PAX2: variants seen among roughly 807,000 people sequenced by gnomAD.
PAX2 encodes paired box 2.
A neutral mutation model predicts 41.7 loss-of-function variants in PAX2; 9 were observed. The observed-to-expected ratio is 0.22, with a 90% confidence interval of 0.13 to 0.38. The LOEUF is 0.38. PAX2 is among the 10% of genes least tolerant of loss of function. The pLI is 1.00. For missense variants in PAX2, 418 were observed against 531.6 expected (o/e 0.79, Z 2.10); for synonymous variants, 221 against 212.7 (o/e 1.04, Z -0.34).
chr10:100,758,613 CA>C (rs1276015680), intron 3 of PAX2, among the ~76,000 whole-genome samples: 1 of 152,182 alleles, frequency 6.6e-6, no homozygotes, highest in Admixed American at 6.5e-5. Context: ...GAAGAGGCTC[CA>C]GAATATGAGA....
intron 5 of PAX2, among the ~76,000 whole-genome samples, chr10:100,804,668 C>T (rs1564735917): frequency 6.6e-6 from 1 of 152,116 alleles, no homozygotes; most frequent in Non-Finnish European, 1.5e-5. Flanking sequence ...TTTCAGGAAG[C>T]TTCTCATTCT....
chr10:100,818,484 G>T (rs1848263177), intron 7 of PAX2, among the ~76,000 whole-genome samples: 1 of 152,102 alleles, frequency 6.6e-6, no homozygotes, highest in African/African-American at 2.4e-5. Flanking sequence ...AAAGAACGGG[G>T]CTCTTTCACT....
chr10:100,743,180 C>T (rs1236971249), upstream of PAX2, among the ~76,000 whole-genome samples: 1 of 152,046 alleles, frequency 6.6e-6, no homozygotes, highest in Admixed American at 6.5e-5. Flanking sequence ...GCAGGGGGGA[C>T]TCTCAGGGGC....
rs1848579074 is a variant in PAX2, at chr10:100,826,714, C to A, written c.1022-295C>A. On this transcript the variant is annotated intron_variant, in intron 8 of 9. Transcript: ENST00000355243. This position sits in a 1 kb window ranked among gnomAD's most constrained non-coding sequence, Gnocchi z 5.5. ...AGGGTGGACGCGCCCCAATACAAAC[C>A]CTTCGTGGGTGGCCGCGAGCGCCTC... Among the ~76,000 whole-genome samples the A allele has an allele frequency of 6.6e-6, 1 of 152,214 alleles. No homozygotes were observed. The highest frequency in any genetic ancestry group is 2.4e-5 in the African/African-American group (1 of 41,464).
chr10:100,740,762 G>T (rs1287596012), upstream of PAX2, among the ~76,000 whole-genome samples: 1 of 95,152 alleles, frequency 1.1e-5, no homozygotes, highest in Non-Finnish European at 2.2e-5. Context: ...AGGCTGTGGG[G>T]TGAGTGGCCC....
intron 3 of PAX2, among the ~76,000 whole-genome samples, chr10:100,759,747 G>A (rs777134059): frequency 5.9e-5 from 9 of 152,234 alleles, no homozygotes; most frequent in Non-Finnish European, 1.2e-4. Context: ...AAATCAGAGA[G>A]GAAGGATTGG....
In PAX2 at chr10:100,746,188, T is replaced by C; in HGVS notation, c.-73T>C. On this transcript the variant is annotated 5_prime_UTR_variant, in exon 1 of 10. Coordinates refer to ENST00000355243, the MANE Select transcript of PAX2 (RefSeq NM_000278.5). ...CCCCCACCGTCCCTCCCTTTTCTCC[T>C]CAAGTCCTGAAGTTGAGTTTGAGAG... 2 of 1,547,576 alleles carry C rather than the reference T, an allele frequency of 1.3e-6. No individual in the cohort carries two copies. Among genetic ancestry groups the C allele is most frequent in the Non-Finnish European group, 1.8e-6 (2 of 1,140,226 alleles).
intron 5 of PAX2, among the ~76,000 whole-genome samples, chr10:100,795,041 C>A (rs1198645720): frequency 6.6e-6 from 1 of 152,158 alleles, no homozygotes; most frequent in Non-Finnish European, 1.5e-5. Context: ...CATGGCCCAC[C>A]AATGGGGACC....
chr10:100,748,690 G>T lies in PAX2; in HGVS notation c.44-1056G>T, dbSNP rs1589810049. The T allele has an allele frequency of 4.1e-6, 4 of 985,460 alleles. No homozygotes were observed. Among genetic ancestry groups the T allele is most frequent in the African/African-American group, 3.5e-5 (2 of 57,368 alleles). 61.0% of individuals were successfully genotyped at this position (985,460 alleles called of 1,614,324 possible). A position where few individuals can be genotyped will look rare whatever the true frequency, so the allele number is the denominator to read the frequency against. ...AGGCCTGGCACCCAGTGGCCGCCTCGGTTCCGAGATCGGGAGCCCGCGCTG... is the reference window on the plus strand; with the variant it reads ...AGGCCTGGCACCCAGTGGCCGCCTCTGTTCCGAGATCGGGAGCCCGCGCTG... On this transcript the variant is annotated intron_variant, in intron 1 of 9. Coordinates refer to ENST00000355243, the MANE Select transcript of PAX2 (RefSeq NM_000278.5). This position sits in a 1 kb window ranked among gnomAD's most constrained non-coding sequence, Gnocchi z 5.0.
At chr10:100,786,237 G>A (rs1038773403) in intron 5 of PAX2, among the ~76,000 whole-genome samples, 4 of 152,182 alleles carry the variant, frequency 2.6e-5, no homozygotes, top group South Asian at 2.1e-4. Context: ...CCTCACACCC[G>A]GGATTGGGAG....
intron 7 of PAX2, among the ~76,000 whole-genome samples, chr10:100,821,716 A>C (rs1185194181): frequency 6.6e-6 from 1 of 152,196 alleles, no homozygotes; most frequent in Non-Finnish European, 1.5e-5. Context: ...TTCCGTGACA[A>C]AACCTTAGAT....
chr10:100,810,295 G>C (rs1393402998), intron 7 of PAX2, among the ~76,000 whole-genome samples: 1 of 152,206 alleles, frequency 6.6e-6, no homozygotes, highest in Non-Finnish European at 1.5e-5. Context: ...ATTTGAGCCT[G>C]AGCTGGGCTC....
chr10:100,806,299 T>G, intron 5 of PAX2, 131 bp from the exon 6 acceptor site: 2 of 917,076 alleles, frequency 2.2e-6, no homozygotes, highest in Non-Finnish European at 3.5e-6. Context: ...GCCCAGGGGC[T>G]GAGAGTAAGG....
Position 100,750,778 on chromosome 10 carries a change from T to G in PAX2, c.297T>G (p.Ile99Met). ...CGACGCCCAAAGTGGTGGACAAGAT[T>G]GCTGAATACAAACGACAGAACCCGA... ...KVATPKVVDK[I>M]AEYKRQNPTM... Residue 99 changes from isoleucine to methionine, a missense_variant, in exon 3 of 10, where the codon ATT becomes ATG. Transcript: ENST00000355243. This position sits in a 1 kb window ranked among gnomAD's most constrained non-coding sequence, Gnocchi z 4.1. 1.2e-6 allele frequency: 2 copies of G among 1,614,170 alleles called. No homozygotes were observed. The highest frequency in any genetic ancestry group is 1.7e-6 in the Non-Finnish European group (2 of 1,179,992).
At chr10:100,800,702 C>A (rs1847531437) in intron 5 of PAX2, among the ~76,000 whole-genome samples, 1 of 152,198 alleles carries the variant, frequency 6.6e-6, no homozygotes, top group Non-Finnish European at 1.5e-5. Context: ...CTGCTGAGAA[C>A]CCACTGGACA....
rs1003166519 is a variant in PAX2, at chr10:100,748,213, C to G, written c.44-1533C>G. ...CTGAATTATTCATCTTTAATCTGCC[C>G]GCAGCTGCCGCCTTTTCATACCGGT... On this transcript the variant is annotated intron_variant, in intron 1 of 9. Coordinates refer to ENST00000355243, the MANE Select transcript of PAX2 (RefSeq NM_000278.5). The surrounding 1 kb of genome is among the most constrained non-coding windows in gnomAD (Gnocchi z 5.0). The G allele has an allele frequency of 3.0e-6, 3 of 984,992 alleles. No homozygotes were observed. The highest frequency in any genetic ancestry group is 1.7e-5 in the African/African-American group (1 of 57,178). The allele number at this position is 984,992 out of a possible 1,614,324, so 61.0% of individuals were successfully genotyped here.
chr10:100,809,175 A>G lies in PAX2; in HGVS notation c.858A>G (p.Ala286=), dbSNP rs756983603. 1.6e-5 allele frequency: 26 copies of G among 1,613,706 alleles called. No individual in the cohort carries two copies. Among genetic ancestry groups the G allele is most frequent in the Non-Finnish European group, 1.4e-5 (17 of 1,179,752 alleles). ...ATGAAGTCAAGTCGAGTCTATCTGC[A>G]TCCACCAACCCTGAGCTGGGCAGCA... The part of the protein sequence containing the change: ...GLDEVKSSLS[A]STNPELGSNV... Residue 286 remains alanine, a synonymous_variant, in exon 7 of 10, where the codon GCA becomes GCG. Transcript: ENST00000355243.
At position 100,828,882 on chromosome 10, in the gene PAX2, G is replaced by A. The variant is rs1160992540; in HGVS notation, c.*1263G>A. 2.2e-5 allele frequency: 5 copies of A among 231,294 alleles called. No homozygotes were observed. Among genetic ancestry groups the A allele is most frequent in the Non-Finnish European group, 4.3e-5 (5 of 116,394 alleles). 14.3% of individuals were successfully genotyped at this position (231,294 alleles called of 1,614,324 possible). A position where few individuals can be genotyped will look rare whatever the true frequency, so the allele number is the denominator to read the frequency against. On this transcript the variant is annotated 3_prime_UTR_variant, in exon 10 of 10. Coordinates refer to ENST00000355243, the MANE Select transcript of PAX2 (RefSeq NM_000278.5). This position sits in a 1 kb window ranked among gnomAD's most constrained non-coding sequence, Gnocchi z 6.5. ...TTTGTGGAAAGACGGTGTGTGTCGT[G>A]TGAAGGCGAAACCCGGTGTACATAA...
At chr10:100,735,485 G>A (rs900397945) in exon 1 of PAX2, 6 of 241,494 alleles carry the variant, frequency 2.5e-5, no homozygotes, top group Non-Finnish European at 4.0e-5. Flanking sequence ...CGGGCTCCTC[G>A]GGGTGCCGGA....
Sources: allele counts gnomAD v4.1 joint callset (sites outside exome capture counted in the v4.1 genomes callset), GRCh38; gene constraint gnomAD v4.1.1; non-coding constraint Gnocchi (gnomAD v3.1); transcripts MANE v1.5; gene names NCBI Gene and HGNC (gene_info 2026-07-23, HGNC 2026-07-21).